The following DIAPH2 variants were observed in gnomAD, a reference collection of about 807,000 sequenced individuals.
DIAPH2 encodes the protein diaphanous related formin 2.
In DIAPH2, 35 loss-of-function variants were observed where a neutral mutation model predicts 92.7. The ratio of observed to expected loss-of-function variants is 0.38; its 90% CI spans 0.29 to 0.50. The LOEUF is 0.50. Ranked by LOEUF, DIAPH2 falls within the 20% of genes least tolerant of loss-of-function variation. The pLI is 0.94. For missense variants in DIAPH2, 701 were observed against 819.5 expected (o/e 0.86, Z 1.77); for synonymous variants, 301 against 280.4 (o/e 1.07, Z -0.73).
chrX:97,557,909 T>C (rs759382381), intron 26 of DIAPH2, among the ~76,000 whole-genome samples: 171 of 111,951 alleles, frequency 1.5e-3, no homozygotes, highest in African/African-American at 5.2e-3. Context: ...TGAGGGGATT[T>C]GACAAGTTTG....
chrX:96,893,898 G>A (rs761469527), intron 5 of DIAPH2, among the ~76,000 whole-genome samples: 43 of 112,067 alleles, frequency 3.8e-4, no homozygotes, highest in Non-Finnish European at 6.4e-4. Context: ...CTGTTCGACT[G>A]GTGGTAGATA....
intron 22 of DIAPH2, among the ~76,000 whole-genome samples, chrX:97,189,656 A>G (rs1488574679): frequency 8.9e-6 from 1 of 112,136 alleles, no homozygotes; most frequent in African/African-American, 3.2e-5. Flanking sequence ...TAAATGAAGA[A>G]AAAGGTTAAA....
intron 24 of DIAPH2, among the ~76,000 whole-genome samples, chrX:97,360,579 G>A (rs1044601776): frequency 5.4e-5 from 6 of 111,667 alleles, no homozygotes; most frequent in South Asian, 7.6e-4. Context: ...AGCCAAGATC[G>A]TGCCTCTGGA....
At chrX:97,168,975 A>G (rs2067432421) in intron 22 of DIAPH2, among the ~76,000 whole-genome samples, 1 of 112,176 alleles carries the variant, frequency 8.9e-6, no homozygotes, top group Non-Finnish European at 1.9e-5. Flanking sequence ...ATCCACCCTT[A>G]TGATCTAATT....
intron 5 of DIAPH2, among the ~76,000 whole-genome samples, chrX:96,882,978 A>AAAAAAAAAAAAAAAG (rs2065227945): frequency 1.9e-5 from 1 of 52,634 alleles, no homozygotes; most frequent in Admixed American, 1.9e-4. Context: ...AAAAAAAAAA[A>AAAAAAAAAAAAAAAG]AAAAACAAAA....
At chrX:97,035,058 A>G (rs2066401322) in intron 17 of DIAPH2, among the ~76,000 whole-genome samples, 1 of 112,056 alleles carries the variant, frequency 8.9e-6, no homozygotes, top group African/African-American at 3.2e-5. Context: ...TTTTGTAAGA[A>G]ATACACAAGA....
intron 22 of DIAPH2, among the ~76,000 whole-genome samples, chrX:97,199,038 G>A (rs2067726109): frequency 9.1e-6 from 1 of 110,024 alleles, no homozygotes. Flanking sequence ...GGGAGGGTGG[G>A]GTCAGGGCAG....
rs549549097 is a variant in DIAPH2, at chrX:97,144,519, A to T, written c.2719+2725A>T. Among the ~76,000 whole-genome samples the T allele has an allele frequency of 3.4e-4, 38 of 110,554 alleles. No homozygotes were observed. The South Asian group carries it at 0.015, about 43-fold the overall frequency. Reference sequence around the variant, plus strand: ...CCCCAATTTAGTCATTACACATTCTATGCATGTAGCAATATATCATATGTA... The same window carrying T: ...CCCCAATTTAGTCATTACACATTCTTTGCATGTAGCAATATATCATATGTA... On this transcript the variant is annotated intron_variant, in intron 22 of 26. Transcript: ENST00000324765.
intron 23 of DIAPH2, among the ~76,000 whole-genome samples, chrX:97,336,346 G>A (rs1429493322): frequency 1.9e-5 from 2 of 104,596 alleles, no homozygotes; most frequent in African/African-American, 7.0e-5. Context: ...CCGGGTTCAC[G>A]CCGGTTCTCC....
At chrX:97,032,600 G>A (rs954987283) in intron 17 of DIAPH2, among the ~76,000 whole-genome samples, 46 of 108,581 alleles carry the variant, frequency 4.2e-4, no homozygotes, top group African/African-American at 1.4e-3. Context: ...GCTCTTGGGG[G>A]GCCAGTGTGT....
At chrX:97,514,885 A>G (rs1392257658) in intron 26 of DIAPH2, among the ~76,000 whole-genome samples, 1 of 111,538 alleles carries the variant, frequency 9.0e-6, no homozygotes, top group Non-Finnish European at 1.9e-5. Context: ...CTCCAGCTGC[A>G]TGTTGGGAGA....
intron 4 of DIAPH2, among the ~76,000 whole-genome samples, chrX:96,833,890 C>T (rs1038559479): frequency 9.0e-6 from 1 of 111,137 alleles, no homozygotes; most frequent in Non-Finnish European, 1.9e-5. Flanking sequence ...AACTCTTAAT[C>T]TCAAGTGATC....
intron 17 of DIAPH2, among the ~76,000 whole-genome samples, chrX:97,033,983 T>G (rs1274923993): frequency 9.0e-6 from 1 of 111,717 alleles, no homozygotes; most frequent in Non-Finnish European, 1.9e-5. Flanking sequence ...AGCCATCTTC[T>G]TATTATCTTT....
In DIAPH2 at chrX:97,346,761, CTG is replaced by C. The variant is rs774755924; in HGVS notation, c.2845-1351_2845-1350del. ...AAGGCATATTTGTTCAGATTCTTCT[CTG>C]TGTCCATATGTCTCCAGAGATAAGG... On this transcript the variant is annotated intron_variant, in intron 23 of 26. Transcript: ENST00000324765. Among the ~76,000 whole-genome samples, 9 of 111,481 alleles carry C rather than the reference CTG, an allele frequency of 8.1e-5. No individual in the cohort carries two copies. In the East Asian group the frequency reaches 2.6e-3, roughly 32 times the overall value.
At chrX:97,057,176 C>T (rs763984049) in intron 17 of DIAPH2, among the ~76,000 whole-genome samples, 2 of 111,723 alleles carry the variant, frequency 1.8e-5, no homozygotes, top group Middle Eastern at 4.6e-3. Flanking sequence ...TACAGGCAAT[C>T]GCCTTTTAAA....
In DIAPH2 at chrX:96,909,554, G is replaced by C. The variant is rs920983671; in HGVS notation, c.588-2774G>C. 4.5e-5 allele frequency among the ~76,000 whole-genome samples: 5 copies of C among 110,874 alleles called. No homozygotes were observed. In the South Asian group the frequency reaches 2.0e-3, roughly 44 times the overall value. On this transcript the variant is annotated intron_variant, in intron 5 of 26. Coordinates refer to ENST00000324765, the MANE Select transcript of DIAPH2 (RefSeq NM_006729.5). The stretch of plus-strand genomic sequence containing the variant: ...CACCTCCTTCCTTTTAACCTCTTGC[G>C]CATCGTCATCGTTCGTAATTATTTT...
chrX:97,284,505 G>C (rs1483921703), intron 23 of DIAPH2, among the ~76,000 whole-genome samples: 1 of 109,162 alleles, frequency 9.2e-6, no homozygotes, highest in African/African-American at 3.3e-5. Context: ...AGCTACTCGG[G>C]AGGCTAAGGT....
chrX:97,189,194 T>C (rs924379988), intron 22 of DIAPH2, among the ~76,000 whole-genome samples: 5 of 111,497 alleles, frequency 4.5e-5, no homozygotes, highest in Non-Finnish European at 9.4e-5. Context: ...AAGAGATGAA[T>C]GAAGACATTA....
intron 26 of DIAPH2, among the ~76,000 whole-genome samples, chrX:97,487,467 G>A (rs2070696943): frequency 9.0e-6 from 1 of 110,561 alleles, no homozygotes; most frequent in African/African-American, 3.3e-5. Context: ...GTAGAGACGG[G>A]GTTTCACCAT....
Sources: allele counts gnomAD v4.1 joint callset (sites outside exome capture counted in the v4.1 genomes callset), GRCh38; gene constraint gnomAD v4.1.1; transcripts MANE v1.5; gene names NCBI Gene and HGNC (gene_info 2026-07-23, HGNC 2026-07-21).